The following GRIN2A variants were observed in gnomAD, a reference collection of about 807,000 sequenced individuals.
The protein encoded by GRIN2A is glutamate ionotropic receptor NMDA type subunit 2A, also known as glutamate receptor ionotropic, NMDA 2A.
In GRIN2A, 22 loss-of-function variants were observed where a neutral mutation model predicts 113.4. That is an observed-to-expected ratio of 0.19 (90% CI 0.14 to 0.28). GRIN2A has a LOEUF of 0.28. Ranked by LOEUF, GRIN2A falls within the 10% of genes least tolerant of loss-of-function variation. GRIN2A has a pLI of 1.00. For synonymous variants in GRIN2A, 827 were observed against 738.4 expected, an observed-to-expected ratio of 1.12 and a Z score of -1.94; for missense variants, 1,502 against 1,887.0, an observed-to-expected ratio of 0.80 and a Z score of 3.78.
intron 4 of GRIN2A, 124 bp from the exon 5 acceptor site, chr16:9,850,085 T>A (rs1056806022): frequency 1.3e-6 from 1 of 792,614 alleles, no homozygotes; most frequent in African/African-American, 1.7e-5. Flanking sequence ...TATCTCAACA[T>A]ATGCATCTAC....
intron 2 of GRIN2A, among the ~76,000 whole-genome samples, chr16:10,035,036 CGTGTTTAGAGACAGG>C (rs1226148808): frequency 1.3e-5 from 2 of 151,816 alleles, no homozygotes; most frequent in Non-Finnish European, 2.9e-5. Flanking sequence ...TTTCTTTTAA[CGTGTTTAGAGACAGG>C]GTCTCGTTCT....
In GRIN2A at chr16:9,802,612, T is replaced by A. The variant is rs561198639; in HGVS notation, c.2169-4148A>T. Among the ~76,000 whole-genome samples, 334 of 152,284 alleles carry A rather than the reference T, an allele frequency of 2.2e-3. 1 individual carries two copies. Among genetic ancestry groups the A allele is most frequent in the African/African-American group, 7.7e-3 (320 of 41,532 alleles). On this transcript the variant is annotated intron_variant, in intron 10 of 12. Coordinates refer to ENST00000330684, the MANE Select transcript of GRIN2A (RefSeq NM_001134407.3). The stretch of plus-strand genomic sequence containing the variant: ...GCAAGATATTATTATTGTTATTATT[T>A]TTCTATTCTGTCTATAAGCAGACAA...
intron 12 of GRIN2A, among the ~76,000 whole-genome samples, chr16:9,765,178 A>T (rs966850260): frequency 5.3e-5 from 8 of 152,214 alleles, no homozygotes; most frequent in African/African-American, 1.9e-4. Context: ...CACCTTTGCA[A>T]AGAGTCACAC....
chr16:9,768,339 A>G (rs1446630612), intron 12 of GRIN2A, among the ~76,000 whole-genome samples: 1 of 152,208 alleles, frequency 6.6e-6, no homozygotes, highest in Non-Finnish European at 1.5e-5. Flanking sequence ...GGCATGAGCC[A>G]CCGTGCCCGG....
At position 10,061,429 on chromosome 16, in the gene GRIN2A, G is replaced by T. The variant is rs566767245; in HGVS notation, c.414+118569C>A. ...TCCTAACCAATATATGCACCTGCCCGAATACTAAAATCCAATGAATAGAGA... is the reference window on the plus strand; with the variant it reads ...TCCTAACCAATATATGCACCTGCCCTAATACTAAAATCCAATGAATAGAGA... On this transcript the variant is annotated intron_variant, in intron 2 of 12. Coordinates refer to ENST00000330684, the MANE Select transcript of GRIN2A (RefSeq NM_001134407.3). 3.9e-5 allele frequency among the ~76,000 whole-genome samples: 6 copies of T among 152,214 alleles called. No homozygotes were observed. In the South Asian group the frequency reaches 1.2e-3, roughly 32 times the overall value.
chr16:9,958,105 C>T (rs925428183), intron 2 of GRIN2A, among the ~76,000 whole-genome samples: 2 of 152,190 alleles, frequency 1.3e-5, no homozygotes, highest in African/African-American at 2.4e-5. Context: ...CTGTGCCTGC[C>T]TTCTTCCTCC....
intron 2 of GRIN2A, among the ~76,000 whole-genome samples, chr16:10,048,871 G>A (rs1451396457): frequency 1.3e-5 from 2 of 152,160 alleles, no homozygotes; most frequent in Admixed American, 6.5e-5. Context: ...CATGGCAGCT[G>A]GGATCAGTGC....
At chr16:9,781,042 C>G (rs1273309436) in intron 11 of GRIN2A, among the ~76,000 whole-genome samples, 1 of 147,754 alleles carries the variant, frequency 6.8e-6, no homozygotes, top group African/African-American at 2.5e-5. Context: ...ATTTTCAGCA[C>G]TACAGGCCAT....
chr16:9,936,880 A>G (rs1253638004), intron 3 of GRIN2A, among the ~76,000 whole-genome samples: 9 of 152,314 alleles, frequency 5.9e-5, no homozygotes, highest in African/African-American at 2.2e-4. Flanking sequence ...TAGTTTCACA[A>G]ACTGTTGTTG....
chr16:10,155,202 G>T (rs529997356), intron 2 of GRIN2A, among the ~76,000 whole-genome samples: 3 of 152,198 alleles, frequency 2.0e-5, no homozygotes, highest in Non-Finnish European at 4.4e-5. Flanking sequence ...AGCTCAAAAG[G>T]TCAGCAGGGG....
At chr16:10,060,268 G>C (rs532949579) in intron 2 of GRIN2A, among the ~76,000 whole-genome samples, 11 of 152,344 alleles carry the variant, frequency 7.2e-5, no homozygotes, top group African/African-American at 2.6e-4. Context: ...ATACTAGAAA[G>C]AGAAGGAAAA....
At chr16:10,067,033 C>CA (rs2047663354) in intron 2 of GRIN2A, among the ~76,000 whole-genome samples, 2 of 152,080 alleles carry the variant, frequency 1.3e-5, no homozygotes, top group Admixed American at 1.3e-4. Flanking sequence ...AATGAATGAG[C>CA]AAAAAAAGAG....
At chr16:9,833,340 T>C (rs889071194) in intron 8 of GRIN2A, among the ~76,000 whole-genome samples, 13 of 152,206 alleles carry the variant, frequency 8.5e-5, no homozygotes, top group Non-Finnish European at 1.5e-4. Flanking sequence ...TATAACCCTA[T>C]GGGGAAATAT....
intron 4 of GRIN2A, among the ~76,000 whole-genome samples, chr16:9,852,895 T>C (rs2042909723): frequency 6.6e-6 from 1 of 152,200 alleles, no homozygotes; most frequent in Admixed American, 6.5e-5. Flanking sequence ...CCAAGCACTG[T>C]GCTAGACACT....
At chr16:10,159,314 G>C (rs934826733) in intron 2 of GRIN2A, among the ~76,000 whole-genome samples, 1 of 152,148 alleles carries the variant, frequency 6.6e-6, no homozygotes, top group Admixed American at 6.5e-5. Flanking sequence ...GGACAGGCCT[G>C]GGCAGGTTCA....
In GRIN2A at chr16:10,179,301, G is replaced by A. The variant is rs558547119; in HGVS notation, c.414+697C>T. Among the ~76,000 whole-genome samples, 18 of 152,252 alleles carry A rather than the reference G, an allele frequency of 1.2e-4. No individual in the cohort carries two copies. In the East Asian group the frequency reaches 1.9e-3, roughly 16 times the overall value. ...CCTTGGAGCCCCAGACAAAGAACAC[G>A]TAAGGAAAATGCCAGGCCCTCCATG... is the stretch of plus-strand genomic sequence containing the variant. On this transcript the variant is annotated intron_variant, in intron 2 of 12. Transcript: ENST00000330684.
chr16:10,043,469 A>G (rs2047201545), intron 2 of GRIN2A, among the ~76,000 whole-genome samples: 1 of 152,150 alleles, frequency 6.6e-6, no homozygotes, highest in Non-Finnish European at 1.5e-5. Context: ...GGAGCTAAAC[A>G]TTATCCTCTG....
intron 2 of GRIN2A, among the ~76,000 whole-genome samples, chr16:9,949,335 G>A (rs945153636): frequency 5.3e-5 from 8 of 152,162 alleles, no homozygotes; most frequent in East Asian, 1.9e-4. Context: ...ATGGATGGAC[G>A]GACGGATGAA....
intron 11 of GRIN2A, among the ~76,000 whole-genome samples, chr16:9,769,863 G>C (rs1308246119): frequency 6.6e-6 from 1 of 152,094 alleles, no homozygotes; most frequent in Admixed American, 6.6e-5. Context: ...TCTCTCTTTA[G>C]AACATTCAGG....
Sources: gnomAD v4.1 joint callset for allele counts (sites outside exome capture counted in the v4.1 genomes callset) on GRCh38, gnomAD v4.1.1 for gene constraint, MANE v1.5 for transcripts, NCBI Gene and HGNC (gene_info 2026-07-23, HGNC 2026-07-21) for gene names.